Variants in EFNA2 observed in about 807,000 individuals in gnomAD.
The protein encoded by EFNA2 is ephrin A2, also known as ephrin-A2.
A neutral mutation model predicts 19.7 loss-of-function variants in EFNA2; 18 were observed. The ratio of observed to expected loss-of-function variants is 0.91; its 90% CI spans 0.63 to 1.35. The LOEUF (loss-of-function observed/expected upper bound fraction) is 1.35. Ranked by LOEUF, EFNA2 falls within the 40% of genes most tolerant of loss-of-function variation. The probability of loss-of-function intolerance (pLI) is 0.00; values close to 1 mark genes in which losing one functional copy is unlikely to be tolerated. For synonymous variants in EFNA2, 187 were observed against 137.8 expected, an observed-to-expected ratio of 1.36 and a Z score of -2.50; for missense variants, 303 against 296.0, an observed-to-expected ratio of 1.02 and a Z score of -0.17.
In EFNA2 at chr19:1,301,357, C is replaced by G. The variant is rs1600064432; in HGVS notation, c.*1412C>G. On this transcript the variant is annotated 3_prime_UTR_variant, in exon 4 of 4. Coordinates refer to ENST00000215368, the MANE Select transcript of EFNA2 (RefSeq NM_001405.4). ...CGTTGCCAGGCCTGGAGCTGGCGAC[C>G]GGGCCTCCCTCTTCCCGTCACAATC... Among the ~76,000 whole-genome samples, 1 of 151,570 alleles carries G rather than the reference C, an allele frequency of 6.6e-6. No individual in the cohort carries two copies. Among genetic ancestry groups the G allele is most frequent in the South Asian group, 2.1e-4 (1 of 4,814 alleles).
Position 1,300,146 on chromosome 19 carries a change from C to G in EFNA2, c.*201C>G, listed in dbSNP as rs1164022007. The G allele has an allele frequency of 6.8e-6, 4 of 587,870 alleles. No homozygotes were observed. 36.4% of individuals were successfully genotyped at this position (587,870 alleles called of 1,614,324 possible). A position where few individuals can be genotyped will look rare whatever the true frequency, so the allele number is the denominator to read the frequency against. On this transcript the variant is annotated 3_prime_UTR_variant, in exon 4 of 4. Coordinates refer to ENST00000215368, the MANE Select transcript of EFNA2 (RefSeq NM_001405.4). The stretch of plus-strand genomic sequence containing the variant: ...CTCAGGGAGGGGAAACGGCCGAGAG[C>G]CCCCCCCCGGAGGCCCGAGGGGCCG...
upstream of EFNA2, among the ~76,000 whole-genome samples, chr19:1,285,719 G>T (rs2081460147): frequency 6.6e-6 from 1 of 151,064 alleles, no homozygotes; most frequent in Admixed American, 6.6e-5. This position sits in a 1 kb window ranked among gnomAD's most constrained non-coding sequence, Gnocchi z 4.1. Flanking sequence ...AATCGGGGTC[G>T]CTGGGGGCAG....
rs911992512 is a variant in EFNA2, at chr19:1,294,816, C to T, written c.141-729C>T. Among the ~76,000 whole-genome samples the T allele has an allele frequency of 3.3e-5, 5 of 151,516 alleles. No homozygotes were observed. Among genetic ancestry groups the T allele is most frequent in the African/African-American group, 1.2e-4 (5 of 41,172 alleles). The stretch of plus-strand genomic sequence containing the variant: ...AGCTGGAATGCCCGACCTGTGTCCC[C>T]CACGCTGCCCCGGTCCTTCTCAACA... On this transcript the variant is annotated intron_variant, in intron 1 of 3. Transcript: ENST00000215368. This position sits in a 1 kb window ranked among gnomAD's most constrained non-coding sequence, Gnocchi z 5.8.
chr19:1,297,795 G>A lies in EFNA2; in HGVS notation c.455-756G>A, dbSNP rs527969446. On this transcript the variant is annotated intron_variant, in intron 2 of 3. Transcript: ENST00000215368. This position sits in a 1 kb window ranked among gnomAD's most constrained non-coding sequence, Gnocchi z 5.0. The stretch of plus-strand genomic sequence containing the variant: ...TGGAAATAATCTTTCCCAGCCAGGC[G>A]TGGCGGTGGCTCACGCCTGTAATCC... 1.6e-4 allele frequency among the ~76,000 whole-genome samples: 24 copies of A among 152,236 alleles called. No homozygotes were observed. The highest frequency in any genetic ancestry group is 5.2e-4 in the Admixed American group (8 of 15,302).
intron 3 of EFNA2, among the ~76,000 whole-genome samples, chr19:1,298,938 C>CT (rs780995219): frequency 6.6e-6 from 1 of 151,830 alleles, no homozygotes; most frequent in Non-Finnish European, 1.5e-5. Flanking sequence ...GAGCAAGACT[C>CT]TGTCTCTAAA....
At chr19:1,288,670 G>T (rs1162830552) in intron 1 of EFNA2, among the ~76,000 whole-genome samples, 1 of 152,116 alleles carries the variant, frequency 6.6e-6, no homozygotes, top group Non-Finnish European at 1.5e-5. Context: ...GTGCCCAGGC[G>T]ATGACTGTGT....
rs551806821 is a variant in EFNA2 at position 1,296,007 on chromosome 19, T to A, written c.454+149T>A. ...GCCGCGGTGTGGGGCCAGGGGGGAG[T>A]GGGCGGGGCCGCGGAATGGGGCCAG... On this transcript the variant is annotated intron_variant, in intron 2 of 3. Transcript: ENST00000215368. The surrounding 1 kb of genome is among the most constrained non-coding windows in gnomAD (Gnocchi z 4.4). 1,428 of 28,152 alleles carry A rather than the reference T, an allele frequency of 0.051. 29 individuals carry two copies. The highest frequency in any genetic ancestry group is 0.28 in the African/African-American group (1,371 of 4,974). The allele number at this position is 28,152 out of a possible 1,614,324, so 1.7% of individuals were successfully genotyped here.
In EFNA2 at chr19:1,298,590, G is replaced by A. The variant is rs774179869; in HGVS notation, c.494G>A (p.Arg165Gln). 9 of 1,613,864 alleles carry A rather than the reference G, an allele frequency of 5.6e-6. No homozygotes were observed. The Admixed American group carries it at 8.3e-5, about 15-fold the overall frequency. Residue 165 changes from arginine (R) to glutamine (Q), a missense_variant, in exon 3 of 4, where the codon CGA (arginine) becomes CAA (glutamine). Coordinates refer to ENST00000215368, the MANE Select transcript of EFNA2 (RefSeq NM_001405.4). ...PPNAVDRPCL[R>Q]LKVYVRPTNE... The stretch of plus-strand genomic sequence containing the variant: ...AATGCTGTGGACCGGCCCTGCCTGC[G>A]ACTGAAGGTGTACGTGCGGCCGACC...
At position 1,287,339 on chromosome 19, in the gene EFNA2, C is replaced by T. The variant is rs2081470031; in HGVS notation, c.140+1031C>T. On this transcript the variant is annotated intron_variant, in intron 1 of 3. Coordinates refer to ENST00000215368, the MANE Select transcript of EFNA2 (RefSeq NM_001405.4). This position sits in a 1 kb window ranked among gnomAD's most constrained non-coding sequence, Gnocchi z 6.2. Reference sequence around the variant, plus strand: ...GCCCCAGCACTCAGGGTGTCACCGTCTTCCTAAGGCACACGGAGCTGCACA... The same window carrying T: ...GCCCCAGCACTCAGGGTGTCACCGTTTTCCTAAGGCACACGGAGCTGCACA... 3.3e-5 allele frequency among the ~76,000 whole-genome samples: 5 copies of T among 152,096 alleles called. No homozygotes were observed. The highest frequency in any genetic ancestry group is 7.4e-5 in the Non-Finnish European group (5 of 67,992).
Position 1,299,979 on chromosome 19 carries a change from C to G in EFNA2, c.*34C>G. ...CCGCAGGACGCCGACCCTGCCTGGA[C>G]GGCCCCGCCTGGACCGCCTGACCTC... On this transcript the variant is annotated 3_prime_UTR_variant, in exon 4 of 4. Coordinates refer to ENST00000215368, the MANE Select transcript of EFNA2 (RefSeq NM_001405.4). 6.4e-7 allele frequency: 1 copy of G among 1,563,380 alleles called. No individual in the cohort carries two copies. Among genetic ancestry groups the G allele is most frequent in the African/African-American group, 1.4e-5 (1 of 73,872 alleles).
chr19:1,300,012 C>A lies in EFNA2; in HGVS notation c.*67C>A. ...CCTGGACCGCCTGACCTCGGCCCTC[C>A]GGACCCGGCTGCGGCCCCCGCCTCC... On this transcript the variant is annotated 3_prime_UTR_variant, in exon 4 of 4. Coordinates refer to ENST00000215368, the MANE Select transcript of EFNA2 (RefSeq NM_001405.4). 3 of 1,509,392 alleles carry A rather than the reference C, an allele frequency of 2.0e-6. No individual in the cohort carries two copies. The highest frequency in any genetic ancestry group is 2.5e-5 in the South Asian group (2 of 80,730). The allele number at this position is 1,509,392 out of a possible 1,614,324, so 93.5% of individuals were successfully genotyped here.
At chr19:1,284,293 C>T (rs2081453508), upstream of EFNA2, among the ~76,000 whole-genome samples, 1 of 152,230 alleles carries the variant, frequency 6.6e-6, no homozygotes, top group Non-Finnish European at 1.5e-5. The surrounding 1 kb of genome is among the most constrained non-coding windows in gnomAD (Gnocchi z 5.3). Flanking sequence ...GCCTCAGCCA[C>T]CACCTGGGAC....
At chr19:1,284,965 A>AG (rs2081456560), upstream of EFNA2, among the ~76,000 whole-genome samples, 1 of 152,244 alleles carries the variant, frequency 6.6e-6, no homozygotes, top group African/African-American at 2.4e-5. This position sits in a 1 kb window ranked among gnomAD's most constrained non-coding sequence, Gnocchi z 5.3. Context: ...AACAGAGGGC[A>AG]GGCCAGGTGC....
chr19:1,299,689 C>G lies in EFNA2; in HGVS notation c.521-135C>G, dbSNP rs943879717. ...CGGAGAGTGGGCATCGGGGATGGCA[C>G]CAAGAGGGAGCAGAGGGCCTGCCTG... On this transcript the variant is annotated intron_variant, in intron 3 of 3. Transcript: ENST00000215368. 4 of 1,269,178 alleles carry G rather than the reference C, an allele frequency of 3.2e-6. No individual in the cohort carries two copies. In the African/African-American group the frequency reaches 4.6e-5, roughly 15 times the overall value. The allele number at this position is 1,269,178 out of a possible 1,614,324, so 78.6% of individuals were successfully genotyped here.
In EFNA2 at chr19:1,296,320, C is replaced by T. The variant is rs2081515633; in HGVS notation, c.454+462C>T. Among the ~76,000 whole-genome samples the T allele has an allele frequency of 6.6e-6, 1 of 152,124 alleles. No homozygotes were observed. The highest frequency in any genetic ancestry group is 2.4e-5 in the African/African-American group (1 of 41,416). ...GATAGCGAGACCAGGGTGCCCGAGC[C>T]CCAGCACACTGATGAGGGAAACTGA... is the stretch of plus-strand genomic sequence containing the variant. On this transcript the variant is annotated intron_variant, in intron 2 of 3. Coordinates refer to ENST00000215368, the MANE Select transcript of EFNA2 (RefSeq NM_001405.4). The surrounding 1 kb of genome is among the most constrained non-coding windows in gnomAD (Gnocchi z 4.4).
intron 3 of EFNA2, 150 bp from the exon 4 acceptor site, chr19:1,299,674 G>A (rs1050201155): frequency 9.8e-7 from 1 of 1,017,584 alleles, no homozygotes; most frequent in Non-Finnish European, 1.3e-6. Flanking sequence ...CGGAGAGTGG[G>A]CATCGGGGAT....
Position 1,300,239 on chromosome 19 carries a change from C to A in EFNA2, c.*294C>A, listed in dbSNP as rs1465790514. ...GTCGGAGAACCCGGGAACCTCTTGG[C>A]GATTTTTTTTTTTTTTTTTTTTTTT... On this transcript the variant is annotated 3_prime_UTR_variant, in exon 4 of 4. Coordinates refer to ENST00000215368, the MANE Select transcript of EFNA2 (RefSeq NM_001405.4). The A allele has an allele frequency of 7.5e-5, 5 of 66,268 alleles. No individual in the cohort carries two copies. The East Asian group carries it at 3.0e-3, about 40-fold the overall frequency. 4.1% of individuals were successfully genotyped at this position (66,268 alleles called of 1,614,324 possible). A position where few individuals can be genotyped will look rare whatever the true frequency, so the allele number is the denominator to read the frequency against.
rs747284015 is a variant in EFNA2 at position 1,295,566 on chromosome 19, C to A, written c.162C>A (p.Asp54Glu). The A allele has an allele frequency of 6.3e-7, 1 of 1,595,570 alleles. No individual in the cohort carries two copies. Among genetic ancestry groups the A allele is most frequent in the Non-Finnish European group, 8.5e-7 (1 of 1,170,490 alleles). The change falls in exon 2 of 4, where the codon GAC (aspartate) becomes GAA (glutamate). Residue 54 changes from aspartate (D) to glutamate (E), a missense_variant. Asp to Glu is a conservative substitution (Grantham distance 45, BLOSUM62 2). Transcript: ENST00000215368. This position sits in a 1 kb window ranked among gnomAD's most constrained non-coding sequence, Gnocchi z 5.8. Reference protein sequence around the residue: ...SNPRFHAGAGDDGGGYTVEVS... With the variant: ...SNPRFHAGAGEDGGGYTVEVS... ...GCAGGTTCCACGCAGGCGCGGGGGA[C>A]GACGGCGGGGGCTACACGGTGGAGG...
chr19:1,299,780 G>A, intron 3 of EFNA2, 44 bp from the exon 4 acceptor site: 2 of 1,560,348 alleles, frequency 1.3e-6, no homozygotes, highest in Non-Finnish European at 1.7e-6. Context: ...GGAGCCCAGT[G>A]GGGTTCGGGC....
Sources: gnomAD v4.1 joint callset for allele counts (sites outside exome capture counted in the v4.1 genomes callset) on GRCh38, gnomAD v4.1.1 for gene constraint, Gnocchi (gnomAD v3.1) non-coding constraint, MANE v1.5 for transcripts, NCBI Gene and HGNC (gene_info 2026-07-23, HGNC 2026-07-21) for gene names.